The following CCDC28A variants were observed in gnomAD, a reference collection of about 807,000 sequenced individuals.
CCDC28A encodes coiled-coil domain containing 28A, also known as coiled-coil domain-containing protein 28A.
Under a neutral mutation model 22.1 loss-of-function variants are expected in CCDC28A, and 24 were observed. That is an observed-to-expected ratio of 1.09 (90% CI 0.79 to 1.53). The LOEUF (loss-of-function observed/expected upper bound fraction) is 1.53. CCDC28A is among the 40% of genes most tolerant of loss of function. The probability of loss-of-function intolerance (pLI) is 0.00; values close to 1 mark genes in which losing one functional copy is unlikely to be tolerated. For missense variants in CCDC28A, 170 were observed against 210.7 expected (o/e 0.81, Z 1.20); for synonymous variants, 83 against 74.7 (o/e 1.11, Z -0.57).
intron 3 of CCDC28A, among the ~76,000 whole-genome samples, chr6:138,783,196 T>G (rs78847135): frequency 6.6e-6 from 1 of 152,128 alleles, no homozygotes; most frequent in African/African-American, 2.4e-5. Flanking sequence ...ATAAATATTT[T>G]TATTTATATT....
At chr6:138,791,361 C>T (rs1313815045) in intron 5 of CCDC28A, among the ~76,000 whole-genome samples, 3 of 152,092 alleles carry the variant, frequency 2.0e-5, no homozygotes, top group Non-Finnish European at 2.9e-5. Flanking sequence ...GGATTCCAGG[C>T]GTGAGTCACC....
At chr6:138,775,578 C>T (rs1774918761) in intron 1 of CCDC28A, among the ~76,000 whole-genome samples, 1 of 152,192 alleles carries the variant, frequency 6.6e-6, no homozygotes, top group Admixed American at 6.5e-5. Context: ...TTTTAAAATG[C>T]TAGTAAAATC....
rs751125896 is a variant in CCDC28A, at chr6:138,785,287, G to A, written c.383G>A (p.Arg128His). The part of the protein sequence containing the change: ...HVRGMQEKLA[R>H]LNLELYGELE... ...CGGGGAATGCAGGAGAAATTAGCTC[G>A]CTTGAATTTGGAGCTCTATGGGGAG... The change falls in exon 4 of 6, where the codon CGC becomes CAC. Residue 128 changes from arginine (R) to histidine (H), a missense_variant. Coordinates refer to ENST00000617445, the MANE Select transcript of CCDC28A (RefSeq NM_015439.3). 3.3e-5 allele frequency: 54 copies of A among 1,613,050 alleles called. No individual in the cohort carries two copies. In the East Asian group the frequency reaches 1.1e-3, roughly 33 times the overall value.
At chr6:138,789,001 CTA>C (rs1235938227) in intron 5 of CCDC28A, among the ~76,000 whole-genome samples, 1 of 151,980 alleles carries the variant, frequency 6.6e-6, no homozygotes, top group Non-Finnish European at 1.5e-5. Context: ...AAATTGAAAA[CTA>C]GACATTAAAA....
At position 138,788,356 on chromosome 6, in the gene CCDC28A, T is replaced by C; in HGVS notation, c.478-10T>C. On this transcript the variant is annotated splice_polypyrimidine_tract_variant and intron_variant, in intron 4 of 5. Transcript: ENST00000617445. The stretch of plus-strand genomic sequence containing the variant: ...AAAATTAAAAATAAATTTGTTTCTT[T>C]GTTTTACAGTTAGAAGAATTGAATT... 9.0e-7 allele frequency: 1 copy of C among 1,108,708 alleles called. No individual in the cohort carries two copies. Among genetic ancestry groups the C allele is most frequent in the Non-Finnish European group, 1.3e-6 (1 of 786,726 alleles). The allele number at this position is 1,108,708 out of a possible 1,614,324, so 68.7% of individuals were successfully genotyped here.
intron 3 of CCDC28A, among the ~76,000 whole-genome samples, chr6:138,783,598 C>G (rs918479445): frequency 6.6e-6 from 1 of 151,778 alleles, no homozygotes; most frequent in African/African-American, 2.4e-5. Context: ...CCACCACGCC[C>G]GGCTAATTTT....
chr6:138,778,168 C>T (rs1170934452), intron 2 of CCDC28A, among the ~76,000 whole-genome samples: 1 of 152,092 alleles, frequency 6.6e-6, no homozygotes, highest in African/African-American at 2.4e-5. Flanking sequence ...CACCTACTTT[C>T]CCTGGGCATA....
intron 2 of CCDC28A, among the ~76,000 whole-genome samples, chr6:138,777,587 C>G (rs777676624): frequency 5.9e-5 from 9 of 152,192 alleles, no homozygotes; most frequent in South Asian, 2.1e-4. Context: ...GGCCAGGACT[C>G]TCTGGATCAT....
intron 3 of CCDC28A, among the ~76,000 whole-genome samples, chr6:138,781,192 A>G (rs190855536): frequency 6.6e-6 from 1 of 152,188 alleles, no homozygotes; most frequent in African/African-American, 2.4e-5. Context: ...GCTTTCCTGC[A>G]CTAAAGAATA....
At chr6:138,785,848 GAT>G (rs1400452021) in intron 4 of CCDC28A, among the ~76,000 whole-genome samples, 2 of 152,078 alleles carry the variant, frequency 1.3e-5, no homozygotes, top group Non-Finnish European at 2.9e-5. Flanking sequence ...AAAATCTTAA[GAT>G]ATAGAAGATA....
intron 4 of CCDC28A, among the ~76,000 whole-genome samples, chr6:138,787,851 C>T (rs9495248): frequency 0.062 from 9,343 of 150,418 alleles, 471 homozygotes; most frequent in African/African-American, 0.13. Flanking sequence ...TTGTTTCACA[C>T]ATGTTAATGC....
At chr6:138,784,092 G>T (rs1026523763) in intron 3 of CCDC28A, among the ~76,000 whole-genome samples, 1 of 151,570 alleles carries the variant, frequency 6.6e-6, no homozygotes, top group East Asian at 2.0e-4. Context: ...TCACCATGTT[G>T]CCCAGGCTGA....
chr6:138,792,864 C>A lies in CCDC28A; in HGVS notation c.*61C>A. 9.2e-7 allele frequency: 1 copy of A among 1,082,150 alleles called. No individual in the cohort carries two copies. The allele number at this position is 1,082,150 out of a possible 1,614,324, so 67.0% of individuals were successfully genotyped here. On this transcript the variant is annotated 3_prime_UTR_variant, in exon 6 of 6. Transcript: ENST00000617445. Reference sequence around the variant, plus strand: ...GAAGCAGCAGTCTTTACTTTTCCAGCCAAATCCAGTAGCAGAATCATCTTC... The same window carrying A: ...GAAGCAGCAGTCTTTACTTTTCCAGACAAATCCAGTAGCAGAATCATCTTC...
intron 3 of CCDC28A, among the ~76,000 whole-genome samples, chr6:138,784,018 C>G (rs1052967417): frequency 6.6e-6 from 1 of 151,670 alleles, no homozygotes; most frequent in African/African-American, 2.4e-5. Flanking sequence ...GCTGGGATTA[C>G]AGGCACATGC....
chr6:138,784,640 C>A (rs929280013), intron 3 of CCDC28A, among the ~76,000 whole-genome samples: 1 of 152,190 alleles, frequency 6.6e-6, no homozygotes, highest in East Asian at 1.9e-4. Context: ...GGATTATAGG[C>A]ATGAGCCACC....
At chr6:138,785,629 A>G (rs1163383582) in intron 4 of CCDC28A, among the ~76,000 whole-genome samples, 1 of 152,144 alleles carries the variant, frequency 6.6e-6, no homozygotes, top group African/African-American at 2.4e-5. Flanking sequence ...TATTGTGGAC[A>G]TTTCATATCA....
rs769116644 is a variant in CCDC28A at position 138,792,735 on chromosome 6, AC to A, written c.501-13del. 1 of 1,566,308 alleles carries A rather than the reference AC, an allele frequency of 6.4e-7. No individual in the cohort carries two copies. The highest frequency in any genetic ancestry group is 8.8e-7 in the Non-Finnish European group (1 of 1,140,458). Reference sequence around the variant, plus strand: ...CCCTTATAGAATGAAAATCTTCTTAACTGATTAATTCAGACAAAAACTCCAT... The same window carrying A: ...CCCTTATAGAATGAAAATCTTCTTAATGATTAATTCAGACAAAAACTCCAT... On this transcript the variant is annotated splice_polypyrimidine_tract_variant and intron_variant, in intron 5 of 5. Transcript: ENST00000617445.
Position 138,781,912 on chromosome 6 carries a change from A to G in CCDC28A, c.322+1927A>G, listed in dbSNP as rs145959337. Among the ~76,000 whole-genome samples the G allele has an allele frequency of 4.6e-5, 7 of 152,254 alleles. 1 individual carries two copies. The South Asian group carries it at 8.3e-4, about 18-fold the overall frequency. ...AAACATGTCTGTATCTTTTCTTTCAATAGTTGCTGGGTTTCCAGTCTTGGT... is the reference window on the plus strand; with the variant it reads ...AAACATGTCTGTATCTTTTCTTTCAGTAGTTGCTGGGTTTCCAGTCTTGGT... On this transcript the variant is annotated intron_variant, in intron 3 of 5. Coordinates refer to ENST00000617445, the MANE Select transcript of CCDC28A (RefSeq NM_015439.3).
intron 3 of CCDC28A, among the ~76,000 whole-genome samples, chr6:138,783,684 C>T (rs1307284764): frequency 5.3e-5 from 8 of 151,394 alleles, no homozygotes; most frequent in African/African-American, 7.3e-5. Flanking sequence ...ATGATCCACC[C>T]GCCTCGGCCT....
Sources: allele counts gnomAD v4.1 joint callset (sites outside exome capture counted in the v4.1 genomes callset), GRCh38; gene constraint gnomAD v4.1.1; transcripts MANE v1.5; gene names NCBI Gene and HGNC (gene_info 2026-07-23, HGNC 2026-07-21).